ARL6IP6: variants seen among roughly 807,000 people sequenced by gnomAD.
ARL6IP6 encodes the protein ARF like GTPase 6 interacting protein 6.
ARL6IP6 carries 22 observed loss-of-function variants against 21.5 expected under a neutral mutation model. The ratio of observed to expected loss-of-function variants is 1.02; its 90% CI spans 0.73 to 1.46. The LOEUF is 1.46. Ranked by LOEUF, ARL6IP6 falls within the 40% of genes most tolerant of loss-of-function variation. ARL6IP6 has a pLI of 0.00. For synonymous variants in ARL6IP6, 164 were observed against 125.3 expected, an observed-to-expected ratio of 1.31 and a Z score of -2.06; for missense variants, 388 against 299.8, an observed-to-expected ratio of 1.29 and a Z score of -2.17.
intron 2 of ARL6IP6, among the ~76,000 whole-genome samples, chr2:152,722,673 C>A (rs747636828): frequency 6.6e-6 from 1 of 152,080 alleles, no homozygotes; most frequent in Non-Finnish European, 1.5e-5. Context: ...GAGGCCGAGG[C>A]GGGTGGATCA....
At chr2:152,747,152 C>A (rs1013441852) in intron 3 of ARL6IP6, among the ~76,000 whole-genome samples, 16 of 152,018 alleles carry the variant, frequency 1.1e-4, no homozygotes, top group African/African-American at 3.4e-4. Flanking sequence ...TTAATATTAT[C>A]TCATTTAGTT....
chr2:152,728,018 TTC>T (rs1700123812), intron 2 of ARL6IP6, among the ~76,000 whole-genome samples: 2 of 152,350 alleles, frequency 1.3e-5, no homozygotes, highest in South Asian at 2.1e-4. Context: ...TTACATCTTT[TTC>T]TCTTTGTTTA....
Sources: gnomAD v4.1 joint callset for allele counts (sites outside exome capture counted in the v4.1 genomes callset) on GRCh38, gnomAD v4.1.1 for gene constraint, MANE v1.5 for transcripts, NCBI Gene and HGNC (gene_info 2026-07-23, HGNC 2026-07-21) for gene names.